The following COL4A2 variants were observed in gnomAD, a reference collection of about 807,000 sequenced individuals.
COL4A2 encodes collagen type IV alpha 2 chain, also known as collagen alpha-2(IV) chain.
COL4A2 carries 99 observed loss-of-function variants against 200.2 expected under a neutral mutation model. The observed-to-expected ratio is 0.49, with a 90% CI of 0.42 to 0.58. The LOEUF is 0.58. COL4A2 is among the 20% of genes least tolerant of loss of function. The probability of loss-of-function intolerance (pLI) is 0.00; values close to 1 mark genes in which losing one functional copy is unlikely to be tolerated. For synonymous variants in COL4A2, 897 were observed against 900.6 expected, an observed-to-expected ratio of 1.00 and a Z score of 0.07; for missense variants, 1,950 against 2,314.1, an observed-to-expected ratio of 0.84 and a Z score of 3.23.
chr13:110,478,187 A>G, intron 30 of COL4A2, 23 bp downstream of exon 30: 2 of 1,542,274 alleles, frequency 1.3e-6, no homozygotes, highest in Non-Finnish European at 1.8e-6. Context: ...CCCTCCCATA[A>G]ACGAGTGGGG....
intron 29 of COL4A2, among the ~76,000 whole-genome samples, chr13:110,477,464 T>C (rs1882746264): frequency 6.6e-6 from 1 of 152,238 alleles, no homozygotes; most frequent in Non-Finnish European, 1.5e-5. Flanking sequence ...TGATACACGA[T>C]GTCAGTTTCT....
intron 3 of COL4A2, among the ~76,000 whole-genome samples, chr13:110,348,042 A>G (rs912867247): frequency 6.6e-6 from 1 of 152,202 alleles, no homozygotes. Flanking sequence ...CTTCCTAAAG[A>G]GTGTCTAGCC....
chr13:110,441,916 C>G (rs1170188968), intron 16 of COL4A2, among the ~76,000 whole-genome samples: 1 of 147,974 alleles, frequency 6.8e-6, no homozygotes, highest in Non-Finnish European at 1.5e-5. Flanking sequence ...CCTGTCTCTA[C>G]TAAAAATACA....
At chr13:110,398,467 C>T (rs117620172) in intron 4 of COL4A2, among the ~76,000 whole-genome samples, 2 of 152,052 alleles carry the variant, frequency 1.3e-5, no homozygotes, top group Admixed American at 6.6e-5. Context: ...AAGACCAGCC[C>T]GGTCAACATG....
intron 34 of COL4A2, among the ~76,000 whole-genome samples, chr13:110,488,221 C>T (rs1327682277): frequency 6.6e-6 from 1 of 152,200 alleles, no homozygotes. Context: ...GACAGGGTTT[C>T]ACCATGTTGG....
At chr13:110,326,216 A>AT (rs1885407985) in intron 3 of COL4A2, among the ~76,000 whole-genome samples, 1 of 152,108 alleles carries the variant, frequency 6.6e-6, no homozygotes, top group African/African-American at 2.4e-5. Context: ...GGAGATCTGA[A>AT]TTTTTTTATT....
At chr13:110,324,551 G>A (rs968983090) in intron 3 of COL4A2, among the ~76,000 whole-genome samples, 1 of 152,232 alleles carries the variant, frequency 6.6e-6, no homozygotes, top group Non-Finnish European at 1.5e-5. Flanking sequence ...AGAAGAGATG[G>A]GCCGGAGCAG....
intron 4 of COL4A2, among the ~76,000 whole-genome samples, chr13:110,381,069 C>A (rs1222636730): frequency 4.8e-5 from 7 of 145,022 alleles, no homozygotes; most frequent in African/African-American, 1.8e-4. Flanking sequence ...CACCCACGGG[C>A]TCTATCTCAC....
Position 110,508,146 on chromosome 13 carries a change from C to A in COL4A2, c.4806C>A (p.Val1602=), listed in dbSNP as rs1369393836. 1.2e-6 allele frequency: 2 copies of A among 1,614,262 alleles called. No homozygotes were observed. The highest frequency in any genetic ancestry group is 1.7e-6 in the Non-Finnish European group (2 of 1,180,044). ...VCEAPAIAIA[V]HSQDVSIPHC... ...AGGCCCCGGCCATCGCCATCGCGGT[C>A]CACAGTCAGGATGTCTCCATCCCAC... The change falls in exon 47 of 48, where the codon GTC becomes GTA. Residue 1602 remains valine, a synonymous_variant. Transcript: ENST00000360467. The surrounding 1 kb of genome is among the most constrained non-coding windows in gnomAD (Gnocchi z 6.1).
chr13:110,477,844 C>G, intron 29 of COL4A2, 159 bp from the exon 30 acceptor site: 1 of 665,012 alleles, frequency 1.5e-6, no homozygotes, highest in Middle Eastern at 3.4e-4. Context: ...TGTGCCTTAC[C>G]TGATTTTATC....
intron 3 of COL4A2, among the ~76,000 whole-genome samples, chr13:110,318,829 A>G (rs191148002): frequency 3.9e-4 from 60 of 152,276 alleles, no homozygotes; most frequent in Admixed American, 9.2e-4. Flanking sequence ...CTCAATACCT[A>G]AAGAACTTGA....
intron 4 of COL4A2, among the ~76,000 whole-genome samples, chr13:110,398,435 G>A (rs765226762): frequency 1.5e-4 from 23 of 152,206 alleles, no homozygotes; most frequent in Non-Finnish European, 2.2e-4. Flanking sequence ...AAGGTGGGTG[G>A]ATCAGTTGAG....
intron 8 of COL4A2, 29 bp from the exon 9 acceptor site, chr13:110,430,372 C>T (rs1293300441): frequency 3.1e-6 from 5 of 1,603,430 alleles, no homozygotes; most frequent in Non-Finnish European, 4.2e-6. Flanking sequence ...TAAAAGCTAT[C>T]ACTCTTAAAA....
rs1220915089 is a variant in COL4A2, at chr13:110,440,101, G to A, written c.957+268G>A. ...CCCCACCAGCCATGGTTTCTATATC[G>A]TCCAACCTCACACCCCTCCTCCATG... On this transcript the variant is annotated intron_variant, in intron 16 of 47. Coordinates refer to ENST00000360467, the MANE Select transcript of COL4A2 (RefSeq NM_001846.4). 4.6e-5 allele frequency among the ~76,000 whole-genome samples: 7 copies of A among 152,006 alleles called. No homozygotes were observed. The South Asian group carries it at 6.2e-4, about 14-fold the overall frequency.
intron 4 of COL4A2, among the ~76,000 whole-genome samples, chr13:110,376,365 T>G (rs970883339): frequency 6.6e-6 from 1 of 152,140 alleles, no homozygotes; most frequent in Non-Finnish European, 1.5e-5. Context: ...GGTTGCTGCT[T>G]GATATCACAT....
At chr13:110,450,262 G>A (rs754744671) in intron 19 of COL4A2, 43 bp from the exon 20 acceptor site, 24 of 1,584,294 alleles carry the variant, frequency 1.5e-5, no homozygotes, top group Non-Finnish European at 2.0e-5. Flanking sequence ...CAGCGGTGTG[G>A]TATGGGAGAC....
At chr13:110,326,193 G>T (rs1452410744) in intron 3 of COL4A2, among the ~76,000 whole-genome samples, 1 of 152,194 alleles carries the variant, frequency 6.6e-6, no homozygotes, top group Non-Finnish European at 1.5e-5. Flanking sequence ...ATCAGTCCCT[G>T]TGGAACCTGG....
At chr13:110,357,339 A>C in intron 3 of COL4A2, 133 bp from the exon 4 acceptor site, 1 of 1,361,296 alleles carries the variant, frequency 7.3e-7, no homozygotes, top group South Asian at 1.5e-5. Flanking sequence ...TATTTTTTTA[A>C]AAAAGCCTTA....
chr13:110,488,494 A>G (rs1883180327), intron 34 of COL4A2, among the ~76,000 whole-genome samples: 1 of 152,180 alleles, frequency 6.6e-6, no homozygotes, highest in Non-Finnish European at 1.5e-5. Context: ...CGAGCAACTC[A>G]GGCATCTTCT....
Sources: allele counts gnomAD v4.1 joint callset (sites outside exome capture counted in the v4.1 genomes callset), GRCh38; gene constraint gnomAD v4.1.1; non-coding constraint Gnocchi (gnomAD v3.1); transcripts MANE v1.5; gene names NCBI Gene and HGNC (gene_info 2026-07-23, HGNC 2026-07-21).